ERBB2: variants seen among roughly 807,000 people sequenced by gnomAD.
ERBB2 encodes receptor tyrosine-protein kinase erbB-2.
A neutral mutation model predicts 149.0 loss-of-function variants in ERBB2; 61 were observed. The observed-to-expected ratio is 0.41, with a 90% CI of 0.33 to 0.51. The LOEUF (loss-of-function observed/expected upper bound fraction) is 0.51. Among genes scored for constraint, ERBB2 ranks in the 20% least tolerant of loss-of-function variants. The pLI, the probability that ERBB2 is intolerant of heterozygous loss-of-function variation, is 0.25. For missense variants in ERBB2, 1,205 were observed against 1,655.1 expected (o/e 0.73, Z 4.72); for synonymous variants, 633 against 678.8 (o/e 0.93, Z 1.05).
At chr17:39,714,727 G>A (rs1049696073) in intron 9 of ERBB2, among the ~76,000 whole-genome samples, 1 of 151,578 alleles carries the variant, frequency 6.6e-6, no homozygotes, top group African/African-American at 2.4e-5. Flanking sequence ...GGGAACATGG[G>A]CCAGTGTCTC....
chr17:39,717,790 A>AACACACACACACACACACACACAC (rs67643218), intron 15 of ERBB2: 2 of 171,396 alleles, frequency 1.2e-5, no homozygotes, highest in African/African-American at 5.0e-5. Context: ...TGCACATTTT[A>AACACACACACACACACACACACAC]ACACACACAC....
intron 1 of ERBB2, among the ~76,000 whole-genome samples, chr17:39,701,450 T>C (rs2058102504): frequency 6.6e-6 from 1 of 151,970 alleles, no homozygotes; most frequent in Non-Finnish European, 1.5e-5. Flanking sequence ...CCTGGAGCAA[T>C]GAGGGACACT....
intron 1 of ERBB2, among the ~76,000 whole-genome samples, chr17:39,705,416 C>T (rs529735967): frequency 5.2e-4 from 79 of 152,262 alleles, no homozygotes; most frequent in Middle Eastern, 3.4e-3. Flanking sequence ...TGGGCCTGGC[C>T]TGCCACCCCC....
At chr17:39,697,556 A>G (rs1172011475), upstream of ERBB2, among the ~76,000 whole-genome samples, 1 of 151,602 alleles carries the variant, frequency 6.6e-6, no homozygotes, top group South Asian at 2.1e-4. Context: ...GGGTTTCTCC[A>G]TGTTGGTCAG....
rs910917985 is a variant in ERBB2, at chr17:39,723,103, G to T, written c.1947-216G>T. ...AAGAGTATAGAGAATCTGGAGATGC[G>T]GAGAGGGTTCTGATTGCCTACAAGG... On this transcript the variant is annotated intron_variant, in intron 16 of 26. Transcript: ENST00000269571. The surrounding 1 kb of genome is among the most constrained non-coding windows in gnomAD (Gnocchi z 6.2). Among the ~76,000 whole-genome samples, 2 of 152,154 alleles carry T rather than the reference G, an allele frequency of 1.3e-5. No individual in the cohort carries two copies. The highest frequency in any genetic ancestry group is 4.8e-5 in the African/African-American group (2 of 41,406).
chr17:39,722,701 G>T (rs2059513313), intron 16 of ERBB2, among the ~76,000 whole-genome samples: 2 of 151,930 alleles, frequency 1.3e-5, no homozygotes, highest in African/African-American at 4.8e-5. Context: ...GTGTTGAGGG[G>T]CATGTGTATT....
chr17:39,702,167 A>C (rs954375973), intron 1 of ERBB2, among the ~76,000 whole-genome samples: 1 of 152,212 alleles, frequency 6.6e-6, no homozygotes, highest in Non-Finnish European at 1.5e-5. Context: ...GGATGTGATT[A>C]CACGTGCCTG....
chr17:39,708,365 A>T lies in ERBB2; in HGVS notation c.270A>T (p.Gln90His), dbSNP rs2145438773. The T allele has an allele frequency of 6.2e-7, 1 of 1,614,126 alleles. No individual in the cohort carries two copies. The highest frequency in any genetic ancestry group is 8.5e-7 in the Non-Finnish European group (1 of 1,180,020). ...GCTACGTGCTCATCGCTCACAACCA[A>T]GTGAGGCAGGTCCCACTGCAGAGGC... ...VQGYVLIAHN[Q>H]VRQVPLQRLR... The change falls in exon 3 of 27, where the codon CAA (glutamine) becomes CAT (histidine). Residue 90 changes from glutamine to histidine, a missense_variant. Transcript: ENST00000269571.
At chr17:39,700,364 A>T (rs2058018962) in intron 1 of ERBB2, 53 bp downstream of exon 1, 4 of 1,252,412 alleles carry the variant, frequency 3.2e-6, no homozygotes, top group Non-Finnish European at 4.0e-6. Context: ...TGCCCTGTGG[A>T]TGCCCCGCCG....
At chr17:39,706,911 G>C (rs563357467) in intron 1 of ERBB2, 79 bp from the exon 2 acceptor site, 3 of 1,387,242 alleles carry the variant, frequency 2.2e-6, no homozygotes, top group African/African-American at 3.0e-5. Context: ...GCATGACTTG[G>C]AGTGAGTTTG....
At chr17:39,694,707 A>C (rs1214886255), upstream of ERBB2, 5 of 152,182 alleles carry the variant, frequency 3.3e-5, no homozygotes, top group Non-Finnish European at 7.3e-5. Flanking sequence ...TCCTTGGACC[A>C]AAAGTCAGAG....
At chr17:39,697,587 C>T (rs1202799005), upstream of ERBB2, among the ~76,000 whole-genome samples, 1 of 152,086 alleles carries the variant, frequency 6.6e-6, no homozygotes, top group Non-Finnish European at 1.5e-5. Flanking sequence ...AACTCCCGAC[C>T]TCAGGTGATC....
At chr17:39,702,374 G>C (rs1253804976) in intron 1 of ERBB2, among the ~76,000 whole-genome samples, 1 of 152,200 alleles carries the variant, frequency 6.6e-6, no homozygotes, top group Non-Finnish European at 1.5e-5. Flanking sequence ...GCAGGAATGT[G>C]GGGGAAGGGG....
At chr17:39,709,017 A>G (rs2058634852) in intron 3 of ERBB2, among the ~76,000 whole-genome samples, 4 of 152,198 alleles carry the variant, frequency 2.6e-5, no homozygotes, top group South Asian at 2.1e-4. Context: ...CAGACTCCAC[A>G]GTCTCTTAAC....
rs75938017 is a variant in ERBB2, at chr17:39,723,688, C to T, written c.2208+28C>T. The stretch of plus-strand genomic sequence containing the variant: ...CAGGGCCAGGTCCTGGGGTGGGCGG[C>T]CCCAGAGGATGGGGGCGGTGCCTGG... On this transcript the variant is annotated intron_variant, in intron 18 of 26. Transcript: ENST00000269571. The surrounding 1 kb of genome is among the most constrained non-coding windows in gnomAD (Gnocchi z 6.2). 2.5e-5 allele frequency: 40 copies of T among 1,590,364 alleles called. No homozygotes were observed. The East Asian group carries it at 9.1e-4, about 36-fold the overall frequency.
chr17:39,705,229 C>T (rs771593455), intron 1 of ERBB2, among the ~76,000 whole-genome samples: 2 of 152,084 alleles, frequency 1.3e-5, no homozygotes, highest in Non-Finnish European at 2.9e-5. Flanking sequence ...TATTGCCTGG[C>T]GGCCACAGCT....
In ERBB2 at chr17:39,727,016, G is replaced by A. The variant is rs375812051; in HGVS notation, c.3159+13G>A. 1.2e-4 allele frequency: 186 copies of A among 1,574,862 alleles called. 1 individual carries two copies. The African/African-American group carries it at 2.2e-3, about 19-fold the overall frequency. On this transcript the variant is annotated intron_variant, in intron 25 of 26. Transcript: ENST00000269571. The surrounding 1 kb of genome is among the most constrained non-coding windows in gnomAD (Gnocchi z 4.3). ...CTCATCTACCAGGGTCAGTGCCCTC[G>A]GTCACACTGTGTGGCTGTCTGCTTA...
At chr17:39,700,693 C>T (rs1187765404) in intron 1 of ERBB2, among the ~76,000 whole-genome samples, 1 of 152,214 alleles carries the variant, frequency 6.6e-6, no homozygotes, top group African/African-American at 2.4e-5. Context: ...CAGTTGGCAG[C>T]CTCCGCCTCC....
At position 39,712,243 on chromosome 17, in the gene ERBB2, C is replaced by T. The variant is rs752991224; in HGVS notation, c.1022-79C>T. ...GTCAGTGTGGGGAGGGGCCCGGACC[C>T]TGATGCTCATGTGGCTGTTGACCTG... On this transcript the variant is annotated intron_variant, in intron 8 of 26. Transcript: ENST00000269571. The T allele has an allele frequency of 1.9e-6, 3 of 1,593,752 alleles. No homozygotes were observed. In the South Asian group the frequency reaches 3.3e-5, roughly 18 times the overall value.
Sources: gnomAD v4.1 joint callset for allele counts (sites outside exome capture counted in the v4.1 genomes callset) on GRCh38, gnomAD v4.1.1 for gene constraint, Gnocchi (gnomAD v3.1) non-coding constraint, MANE v1.5 for transcripts, NCBI Gene and HGNC (gene_info 2026-07-23, HGNC 2026-07-21) for gene names.